The following PDE10A variants were observed in gnomAD, a reference collection of about 807,000 sequenced individuals.
PDE10A encodes phosphodiesterase 10A.
In PDE10A, 39 loss-of-function variants were observed where a neutral mutation model predicts 97.7. That is an observed-to-expected ratio of 0.40 (90% CI 0.31 to 0.52). The LOEUF is 0.52. PDE10A is among the 20% of genes least tolerant of loss of function. PDE10A has a pLI of 0.56. For synonymous variants in PDE10A, 371 were observed against 376.8 expected, an observed-to-expected ratio of 0.98 and a Z score of 0.18; for missense variants, 731 against 1,047.8, an observed-to-expected ratio of 0.70 and a Z score of 4.17.
chr6:165,751,922 G>A (rs1170372926), intron 1 of PDE10A, among the ~76,000 whole-genome samples: 2 of 151,918 alleles, frequency 1.3e-5, no homozygotes, highest in Non-Finnish European at 1.5e-5. Flanking sequence ...GGTGGATCAC[G>A]AGATCAGGAG....
intron 13 of PDE10A, among the ~76,000 whole-genome samples, chr6:165,403,569 C>G (rs35535980): frequency 0.3 from 45,681 of 152,032 alleles, 7,666 homozygotes; most frequent in Middle Eastern, 0.38. Context: ...ATTGTGCACT[C>G]TTTTCCCCTA....
At chr6:165,780,319 G>A (rs889630138) in intron 1 of PDE10A, 6 of 151,414 alleles carry the variant, frequency 4.0e-5, no homozygotes, top group African/African-American at 1.4e-4. Flanking sequence ...GTAATTAATA[G>A]AGATTATAAC....
intron 18 of PDE10A, among the ~76,000 whole-genome samples, chr6:165,371,496 T>C (rs1562392533): frequency 6.6e-6 from 1 of 151,630 alleles, no homozygotes; most frequent in Non-Finnish European, 1.5e-5. Flanking sequence ...GATAAATTCC[T>C]CGACACATAC....
intron 2 of PDE10A, among the ~76,000 whole-genome samples, chr6:165,520,400 A>G (rs1042950876): frequency 6.6e-6 from 1 of 152,194 alleles, no homozygotes; most frequent in Admixed American, 6.6e-5. Context: ...TCTTGACATT[A>G]GTAATATGTA....
chr6:165,912,158 A>ACT (rs915198382), intron 1 of PDE10A, among the ~76,000 whole-genome samples: 2 of 150,014 alleles, frequency 1.3e-5, no homozygotes, highest in Admixed American at 6.6e-5. Context: ...TAACTATCTA[A>ACT]CTCTCTCTCT....
chr6:165,796,653 T>C (rs1778840862), intron 1 of PDE10A, among the ~76,000 whole-genome samples: 2 of 152,336 alleles, frequency 1.3e-5, no homozygotes, highest in South Asian at 2.1e-4. Context: ...AATTCTCCAA[T>C]GACATCTACA....
intron 2 of PDE10A, among the ~76,000 whole-genome samples, chr6:165,529,030 C>T (rs1005409593): frequency 6.6e-6 from 1 of 152,138 alleles, no homozygotes; most frequent in African/African-American, 2.4e-5. Flanking sequence ...ATTTTTGCTT[C>T]CTGTTCCTGA....
chr6:165,741,546 T>C (rs764443418), intron 1 of PDE10A, among the ~76,000 whole-genome samples: 2 of 152,186 alleles, frequency 1.3e-5, no homozygotes, highest in Non-Finnish European at 2.9e-5. Context: ...CTATTAGTAG[T>C]AAAGTTGAAT....
chr6:165,979,400 C>T (rs1402044109), intron 1 of PDE10A, among the ~76,000 whole-genome samples: 2 of 152,296 alleles, frequency 1.3e-5, no homozygotes, highest in African/African-American at 4.8e-5. Context: ...AAGAAAAATG[C>T]TTTTACAAAT....
chr6:165,878,257 T>C (rs1781395727), intron 1 of PDE10A, among the ~76,000 whole-genome samples: 1 of 152,236 alleles, frequency 6.6e-6, no homozygotes, highest in African/African-American at 2.4e-5. Context: ...TTCTATATCT[T>C]TGTTGAATAT....
At chr6:165,415,936 C>A (rs1029460791) in intron 12 of PDE10A, among the ~76,000 whole-genome samples, 1 of 152,168 alleles carries the variant, frequency 6.6e-6, no homozygotes, top group Non-Finnish European at 1.5e-5. Context: ...TTAAAACTAC[C>A]GCCTATCAGT....
At chr6:165,962,632 C>CCAA (rs2128498735) in intron 1 of PDE10A, among the ~76,000 whole-genome samples, 1 of 152,342 alleles carries the variant, frequency 6.6e-6, no homozygotes, top group East Asian at 1.9e-4. Flanking sequence ...CATTTTATAA[C>CCAA]ATGACTTGAG....
intron 1 of PDE10A, among the ~76,000 whole-genome samples, chr6:165,599,896 C>T (rs1047074957): frequency 6.6e-6 from 1 of 152,144 alleles, no homozygotes. Flanking sequence ...CCTTAGATTG[C>T]TTTCTTTCTA....
At chr6:165,350,690 C>A (rs2128186206) in intron 18 of PDE10A, among the ~76,000 whole-genome samples, 1 of 152,274 alleles carries the variant, frequency 6.6e-6, no homozygotes, top group Non-Finnish European at 1.5e-5. Flanking sequence ...CCTCACTTGT[C>A]ATGGGAGGGA....
intron 18 of PDE10A, among the ~76,000 whole-genome samples, chr6:165,361,279 C>T (rs958616625): frequency 1.3e-5 from 2 of 152,058 alleles, no homozygotes; most frequent in East Asian, 1.9e-4. Context: ...GATGGAACAT[C>T]CCCCAGGCTA....
intron 1 of PDE10A, among the ~76,000 whole-genome samples, chr6:165,964,651 T>C (rs1784456527): frequency 6.6e-6 from 1 of 152,202 alleles, no homozygotes; most frequent in Admixed American, 6.5e-5. Flanking sequence ...TCAGACTTTA[T>C]AAGTCCTGGT....
chr6:165,880,759 C>T (rs780565428), intron 1 of PDE10A, among the ~76,000 whole-genome samples: 2 of 152,276 alleles, frequency 1.3e-5, no homozygotes, highest in Middle Eastern at 3.4e-3. Context: ...GAAGACTTTT[C>T]ATTGGGAACA....
At chr6:165,732,290 C>A (rs570242653) in intron 1 of PDE10A, among the ~76,000 whole-genome samples, 1 of 152,240 alleles carries the variant, frequency 6.6e-6, no homozygotes, top group Non-Finnish European at 1.5e-5. Flanking sequence ...TATTTTACCA[C>A]CTCTCTTTCG....
At chr6:165,425,718 T>A (rs1214453126) in intron 10 of PDE10A, among the ~76,000 whole-genome samples, 2 of 151,208 alleles carry the variant, frequency 1.3e-5, no homozygotes, top group Admixed American at 1.3e-4. Flanking sequence ...AGAAAACACA[T>A]CTGGATTAGA....
Sources: gnomAD v4.1 joint callset for allele counts (sites outside exome capture counted in the v4.1 genomes callset) on GRCh38, gnomAD v4.1.1 for gene constraint, MANE v1.5 for transcripts, NCBI Gene and HGNC (gene_info 2026-07-23, HGNC 2026-07-21) for gene names.